The following SLC39A11 variants were observed in gnomAD, a reference collection of about 807,000 sequenced individuals.
SLC39A11 encodes the protein solute carrier family 39 member 11.
SLC39A11 carries 33 observed loss-of-function variants against 36.1 expected under a neutral mutation model. The ratio of observed to expected loss-of-function variants is 0.91; its 90% CI spans 0.69 to 1.22. The LOEUF is 1.22. Among genes scored for constraint, SLC39A11 ranks in the 50% most tolerant of loss-of-function variants. SLC39A11 has a pLI of 0.00. For missense variants in SLC39A11, 432 were observed against 430.3 expected, an observed-to-expected ratio of 1.00 and a Z score of -0.03; for synonymous variants, 166 against 170.3, an observed-to-expected ratio of 0.97 and a Z score of 0.20.
chr17:72,698,149 C>G (rs1055301215), intron 7 of SLC39A11, among the ~76,000 whole-genome samples: 2 of 152,084 alleles, frequency 1.3e-5, no homozygotes, highest in Non-Finnish European at 2.9e-5. Context: ...TGTGTCTCCA[C>G]GTCTACTTTT....
chr17:73,001,514 G>A (rs947346008), intron 4 of SLC39A11, among the ~76,000 whole-genome samples: 1 of 151,496 alleles, frequency 6.6e-6, no homozygotes, highest in African/African-American at 2.4e-5. Flanking sequence ...GTATACATAT[G>A]TAACTAACCT....
At chr17:72,936,836 C>A (rs925739198) in intron 5 of SLC39A11, among the ~76,000 whole-genome samples, 1 of 152,206 alleles carries the variant, frequency 6.6e-6, no homozygotes, top group Admixed American at 6.5e-5. Flanking sequence ...GACCTAGATC[C>A]CTCACGTGTG....
intron 6 of SLC39A11, among the ~76,000 whole-genome samples, chr17:72,805,082 T>C (rs764898827): frequency 2.6e-5 from 4 of 152,020 alleles, no homozygotes; most frequent in Non-Finnish European, 4.4e-5. Context: ...CTATGACACA[T>C]GGATGAAAAA....
At chr17:73,029,400 G>A (rs2058670186) in intron 4 of SLC39A11, among the ~76,000 whole-genome samples, 1 of 151,972 alleles carries the variant, frequency 6.6e-6, no homozygotes. Flanking sequence ...CTCAGGGATT[G>A]AAGCCACTGG....
At chr17:72,959,806 C>T (rs1336929209) in intron 4 of SLC39A11, among the ~76,000 whole-genome samples, 5 of 152,198 alleles carry the variant, frequency 3.3e-5, no homozygotes, top group Non-Finnish European at 7.3e-5. Flanking sequence ...AGTCACCACT[C>T]TCTGTGCCTC....
rs146151552 is a variant in SLC39A11, at chr17:72,724,824, G to C, written c.671+11826C>G. On this transcript the variant is annotated intron_variant, in intron 7 of 9. Transcript: ENST00000255559. ...TGCTAAAAAAAAAAAAAATACTTAA[G>C]AGGCAAGATGATCTTTCAAAGTCAT... Among the ~76,000 whole-genome samples the C allele has an allele frequency of 3.2e-3, 478 of 151,334 alleles. 3 individuals carry two copies. The highest frequency in any genetic ancestry group is 0.013 in the South Asian group (62 of 4,772).
intron 4 of SLC39A11, among the ~76,000 whole-genome samples, chr17:72,998,653 C>T (rs2089648978): frequency 6.6e-6 from 1 of 152,174 alleles, no homozygotes; most frequent in Non-Finnish European, 1.5e-5. Flanking sequence ...TAGAAGGGAA[C>T]ACTGCAAAAG....
At position 72,736,660 on chromosome 17, in the gene SLC39A11, C is replaced by T; in HGVS notation, c.661G>A (p.Glu221Lys). Reference protein sequence around the residue: ...AIEKTASATFESARNLAIGIG... With the variant: ...AIEKTASATFKSARNLAIGIG... ...AGGATGCTGGCTTACCTGGCACTCTCAAAGGTAGCAGATGCCGTCTTTTCT... is the reference window on the plus strand; with the variant it reads ...AGGATGCTGGCTTACCTGGCACTCTTAAAGGTAGCAGATGCCGTCTTTTCT... Residue 221 changes from glutamate to lysine, a missense_variant, in exon 7 of 10, where the codon GAG becomes AAG. Glu to Lys is a moderately conservative substitution (Grantham distance 56, BLOSUM62 1). Transcript: ENST00000255559. 2 of 1,614,036 alleles carry T rather than the reference C, an allele frequency of 1.2e-6. No individual in the cohort carries two copies. Among genetic ancestry groups the T allele is most frequent in the Non-Finnish European group, 1.7e-6 (2 of 1,179,938 alleles).
At chr17:72,907,289 A>AGAC (rs2082705437) in intron 5 of SLC39A11, among the ~76,000 whole-genome samples, 1 of 152,210 alleles carries the variant, frequency 6.6e-6, no homozygotes, top group Non-Finnish European at 1.5e-5. Flanking sequence ...CAGGAGTTCG[A>AGAC]GACCAGCCTG....
intron 3 of SLC39A11, among the ~76,000 whole-genome samples, chr17:73,044,281 C>T (rs1194061440): frequency 6.6e-6 from 1 of 152,192 alleles, no homozygotes; most frequent in East Asian, 1.9e-4. Context: ...TAGCCCCAAA[C>T]TGGAAATAAC....
intron 6 of SLC39A11, among the ~76,000 whole-genome samples, chr17:72,784,661 G>C (rs1321155687): frequency 6.6e-6 from 1 of 151,862 alleles, no homozygotes; most frequent in African/African-American, 2.4e-5. Flanking sequence ...CACGAGAGCT[G>C]GTTGTTTAAA....
At chr17:73,025,929 C>T (rs543671808) in intron 4 of SLC39A11, among the ~76,000 whole-genome samples, 48 of 151,482 alleles carry the variant, frequency 3.2e-4, no homozygotes, top group Non-Finnish European at 5.7e-4. Flanking sequence ...ACCAGCCTGG[C>T]CAACATGCTG....
At chr17:72,662,446 GAA>G (rs370785563) in intron 7 of SLC39A11, among the ~76,000 whole-genome samples, 8 of 102,314 alleles carry the variant, frequency 7.8e-5, no homozygotes, top group African/African-American at 2.9e-4. Context: ...AGAAAGAAAA[GAA>G]AAAAAAGAAA....
intron 6 of SLC39A11, among the ~76,000 whole-genome samples, chr17:72,848,908 G>A (rs575180561): frequency 2.0e-5 from 3 of 152,272 alleles, no homozygotes; most frequent in African/African-American, 7.2e-5. Context: ...TCCCTGCGCA[G>A]TAGAAAATCT....
chr17:72,961,551 T>C (rs12944325), intron 4 of SLC39A11, among the ~76,000 whole-genome samples: 130,363 of 151,972 alleles, frequency 0.86, 57,259 homozygotes, highest in East Asian at 0.99. Context: ...TGGAATACTA[T>C]GCAGCCATAA....
intron 5 of SLC39A11, among the ~76,000 whole-genome samples, chr17:72,881,291 T>G (rs1485040457): frequency 6.6e-6 from 1 of 152,144 alleles, no homozygotes; most frequent in Non-Finnish European, 1.5e-5. Context: ...GATAAAGAAA[T>G]TTGGTATATC....
intron 4 of SLC39A11, among the ~76,000 whole-genome samples, chr17:72,969,718 C>T (rs2087292005): frequency 6.6e-6 from 1 of 152,124 alleles, no homozygotes; most frequent in South Asian, 2.1e-4. Flanking sequence ...CAGAAGGAAA[C>T]ACACCCAACT....
intron 6 of SLC39A11, among the ~76,000 whole-genome samples, chr17:72,782,695 A>G (rs113886699): frequency 3.4e-3 from 427 of 125,402 alleles, no homozygotes; most frequent in African/African-American, 5.7e-3. Context: ...CTCAAAAAAA[A>G]AAAAAAAAAA....
intron 1 of SLC39A11, among the ~76,000 whole-genome samples, chr17:73,090,390 C>A (rs1481521608): frequency 6.6e-6 from 1 of 152,082 alleles, no homozygotes; most frequent in Non-Finnish European, 1.5e-5. Flanking sequence ...TGTGACCACG[C>A]CAATTAAAGA....
Sources: gnomAD v4.1 joint callset for allele counts (sites outside exome capture counted in the v4.1 genomes callset) on GRCh38, gnomAD v4.1.1 for gene constraint, MANE v1.5 for transcripts, NCBI Gene and HGNC (gene_info 2026-07-23, HGNC 2026-07-21) for gene names.